ANO6: variants seen among roughly 807,000 people sequenced by gnomAD.
ANO6 encodes anoctamin-6.
In ANO6, 106 loss-of-function variants were observed where a neutral mutation model predicts 117.5. That is an observed-to-expected ratio of 0.90 (90% CI 0.77 to 1.06). The LOEUF (loss-of-function observed/expected upper bound fraction) is 1.06, where lower values mean the gene tolerates loss of function less well. Ranked by LOEUF, ANO6 falls within the 50% of genes least tolerant of loss-of-function variation. The pLI is 0.00. For synonymous variants in ANO6, 367 were observed against 385.1 expected (o/e 0.95, Z 0.55); for missense variants, 955 against 1,121.1 (o/e 0.85, Z 2.12).
chr12:45,427,015 C>G (rs1943519882), intron 19 of ANO6, among the ~76,000 whole-genome samples: 1 of 151,834 alleles, frequency 6.6e-6, no homozygotes, highest in South Asian at 2.1e-4. Flanking sequence ...TCCAAATGTT[C>G]TCCTCCCAAC....
chr12:45,268,251 T>G (rs1938283578), intron 1 of ANO6, among the ~76,000 whole-genome samples: 1 of 152,202 alleles, frequency 6.6e-6, no homozygotes, highest in South Asian at 2.1e-4. Flanking sequence ...CTGGGCACAG[T>G]GGCTCATGCC....
chr12:45,297,970 T>G (rs1939349540), intron 1 of ANO6, among the ~76,000 whole-genome samples: 2 of 152,194 alleles, frequency 1.3e-5, no homozygotes, highest in Admixed American at 1.3e-4. Flanking sequence ...CTTGTCTGGT[T>G]CTTCTTGGCT....
At chr12:45,439,980 T>C (rs530088503) in exon 20 of ANO6, 2 of 1,446,882 alleles carry the variant, frequency 1.4e-6, no homozygotes, top group African/African-American at 2.9e-5. Context: ...GTGTGTCTAT[T>C]ATGTGGCCAG....
At chr12:45,420,883 G>T (rs1032239922) in intron 17 of ANO6, among the ~76,000 whole-genome samples, 188 bp from the exon 18 acceptor site, 8 of 152,148 alleles carry the variant, frequency 5.3e-5, no homozygotes, top group Non-Finnish European at 8.8e-5. Flanking sequence ...AAATTAGCCA[G>T]GCGTGGTGGC....
chr12:45,343,798 G>A (rs74083330), intron 3 of ANO6, among the ~76,000 whole-genome samples: 3,042 of 152,202 alleles, frequency 0.02, 94 homozygotes, highest in African/African-American at 0.068. Flanking sequence ...TGCCAGCACC[G>A]CTGGCACCAC....
At chr12:45,326,089 A>T (rs1009771880) in intron 2 of ANO6, among the ~76,000 whole-genome samples, 6 of 152,222 alleles carry the variant, frequency 3.9e-5, no homozygotes, top group African/African-American at 1.4e-4. Flanking sequence ...CATTATGCTC[A>T]AGGCATTGCG....
intron 1 of ANO6, among the ~76,000 whole-genome samples, chr12:45,224,767 C>G (rs1186143141): frequency 6.6e-6 from 1 of 152,114 alleles, no homozygotes; most frequent in Non-Finnish European, 1.5e-5. Context: ...ATGTCGATTG[C>G]TCTACATTTA....
At position 45,305,829 on chromosome 12, in the gene ANO6, G is replaced by A. The variant is rs185391228; in HGVS notation, c.150+3736G>A. Among the ~76,000 whole-genome samples the A allele has an allele frequency of 4.8e-3, 736 of 152,226 alleles. 9 individuals carry two copies. The highest frequency in any genetic ancestry group is 4.5e-3 in the Non-Finnish European group (303 of 68,004). On this transcript the variant is annotated intron_variant, in intron 2 of 19. Transcript: ENST00000320560. ...CCTTAGTTTGCCCAATCCCAGGTCT[G>A]GTTAAGAGCAAAGGAGATCTAAGGG...
At chr12:45,324,240 C>T (rs1940387127) in intron 2 of ANO6, among the ~76,000 whole-genome samples, 1 of 152,128 alleles carries the variant, frequency 6.6e-6, no homozygotes, top group Non-Finnish European at 1.5e-5. Flanking sequence ...GCCTGCACCA[C>T]TGTTTTAAAT....
chr12:45,419,319 G>C (rs895439850), intron 17 of ANO6, among the ~76,000 whole-genome samples: 1 of 152,180 alleles, frequency 6.6e-6, no homozygotes, highest in African/African-American at 2.4e-5. Flanking sequence ...TATCTTCCTT[G>C]TTGGAATTTT....
intron 19 of ANO6, among the ~76,000 whole-genome samples, chr12:45,426,451 G>A (rs1474685885): frequency 2.0e-5 from 3 of 152,040 alleles, no homozygotes; most frequent in Non-Finnish European, 4.4e-5. Flanking sequence ...GCCGTTGAAT[G>A]AGTTGCCAGT....
intron 2 of ANO6, among the ~76,000 whole-genome samples, chr12:45,327,768 T>C (rs149040611): frequency 8.2e-4 from 125 of 152,288 alleles, no homozygotes; most frequent in African/African-American, 2.6e-3. Context: ...GGATTACATA[T>C]GACTTTTATT....
chr12:45,230,684 T>C (rs1333874054), intron 1 of ANO6, among the ~76,000 whole-genome samples: 3 of 152,230 alleles, frequency 2.0e-5, no homozygotes, highest in Non-Finnish European at 4.4e-5. Context: ...ATAGTCTTTC[T>C]ACTAAAGAAA....
At chr12:45,295,414 C>G (rs11614082) in intron 1 of ANO6, among the ~76,000 whole-genome samples, 8,264 of 152,256 alleles carry the variant, frequency 0.054, 535 homozygotes, top group East Asian at 0.35. Context: ...GAGAATGATG[C>G]AGGAGCAGCG....
intron 1 of ANO6, among the ~76,000 whole-genome samples, chr12:45,248,065 C>T (rs1947851293): frequency 6.6e-6 from 1 of 152,042 alleles, no homozygotes; most frequent in Non-Finnish European, 1.5e-5. Flanking sequence ...CTAATATCAC[C>T]ACAGATAAAA....
chr12:45,216,872 TTG>T (rs1329420200), intron 1 of ANO6, among the ~76,000 whole-genome samples: 1 of 152,114 alleles, frequency 6.6e-6, no homozygotes, highest in African/African-American at 2.4e-5. Flanking sequence ...TCTGGGAGGT[TTG>T]AGGCCTGGCG....
intron 17 of ANO6, among the ~76,000 whole-genome samples, chr12:45,418,695 G>A (rs1283898700): frequency 6.6e-6 from 1 of 152,150 alleles, no homozygotes; most frequent in Non-Finnish European, 1.5e-5. Context: ...TACTCCATGA[G>A]CACAGATGGA....
intron 2 of ANO6, among the ~76,000 whole-genome samples, chr12:45,321,094 G>C (rs943990206): frequency 1.3e-5 from 2 of 152,048 alleles, no homozygotes; most frequent in African/African-American, 4.8e-5. Context: ...TGGAAAGACA[G>C]CTGGATTCTT....
chr12:45,300,951 G>A (rs998500491), intron 1 of ANO6, among the ~76,000 whole-genome samples: 8 of 152,202 alleles, frequency 5.3e-5, no homozygotes, highest in African/African-American at 1.9e-4. Flanking sequence ...TGAAACTATA[G>A]CGTCTTACAG....
Sources: allele counts gnomAD v4.1 joint callset (sites outside exome capture counted in the v4.1 genomes callset), GRCh38; gene constraint gnomAD v4.1.1; transcripts MANE v1.5; gene names NCBI Gene and HGNC (gene_info 2026-07-23, HGNC 2026-07-21).